The following CNTNAP2 variants were observed in gnomAD, a reference collection of about 807,000 sequenced individuals.
CNTNAP2 encodes contactin associated protein 2.
A neutral mutation model predicts 155.2 loss-of-function variants in CNTNAP2; 98 were observed. That is an observed-to-expected ratio of 0.63 (90% CI 0.54 to 0.75). The LOEUF is 0.75. CNTNAP2 is among the 30% of genes least tolerant of loss of function. The pLI, the probability that CNTNAP2 is intolerant of heterozygous loss-of-function variation, is 0.00. For missense variants in CNTNAP2, 1,727 were observed against 1,688.1 expected, an observed-to-expected ratio of 1.02 and a Z score of -0.40; for synonymous variants, 651 against 631.2, an observed-to-expected ratio of 1.03 and a Z score of -0.47.
chr7:146,561,420 C>A (rs937836253), intron 1 of CNTNAP2, among the ~76,000 whole-genome samples: 5 of 152,102 alleles, frequency 3.3e-5, no homozygotes, highest in Non-Finnish European at 7.3e-5. Context: ...TTTGGAAAGC[C>A]AGTGCAGGTG....
At chr7:146,403,832 TC>T (rs1180987444) in intron 1 of CNTNAP2, among the ~76,000 whole-genome samples, 2 of 152,130 alleles carry the variant, frequency 1.3e-5, no homozygotes, top group Non-Finnish European at 2.9e-5. Flanking sequence ...ATTTCCAGTT[TC>T]GGTGTACTGA....
At chr7:148,373,968 C>T (rs1040949133) in intron 21 of CNTNAP2, among the ~76,000 whole-genome samples, 1 of 152,196 alleles carries the variant, frequency 6.6e-6, no homozygotes, top group African/African-American at 2.4e-5. Context: ...TTCTGAACAT[C>T]ATTTTATATG....
chr7:147,010,113 G>T (rs1261864226), intron 3 of CNTNAP2, among the ~76,000 whole-genome samples: 1 of 149,554 alleles, frequency 6.7e-6, no homozygotes, highest in Non-Finnish European at 1.5e-5. Context: ...GGGTTGAAGT[G>T]ATTCTTCCAC....
chr7:148,244,567 T>G (rs1585212783), intron 20 of CNTNAP2, among the ~76,000 whole-genome samples: 1 of 46,368 alleles, frequency 2.2e-5, no homozygotes, highest in Non-Finnish European at 4.3e-5. Context: ...GTGTTTTGGG[T>G]TTTTTTTTTT....
intron 1 of CNTNAP2, among the ~76,000 whole-genome samples, chr7:146,575,202 T>G (rs1038832854): frequency 3.3e-5 from 5 of 152,230 alleles, no homozygotes; most frequent in East Asian, 1.9e-4. Context: ...CTGCAACCTC[T>G]GCCTCCTGGG....
chr7:147,929,655 A>G (rs1425310438), intron 14 of CNTNAP2, among the ~76,000 whole-genome samples: 1 of 152,156 alleles, frequency 6.6e-6, no homozygotes, highest in Non-Finnish European at 1.5e-5. Flanking sequence ...AAATATCCAA[A>G]ATGCCTGTAT....
intron 15 of CNTNAP2, among the ~76,000 whole-genome samples, chr7:148,081,725 G>A (rs373654066): frequency 6.6e-6 from 1 of 152,096 alleles, no homozygotes; most frequent in Non-Finnish European, 1.5e-5. Flanking sequence ...CTAAGCCTCA[G>A]AGGAGGATGA....
chr7:146,885,120 T>A (rs929214326), intron 3 of CNTNAP2, among the ~76,000 whole-genome samples: 99 of 152,264 alleles, frequency 6.5e-4, no homozygotes, highest in African/African-American at 2.2e-3. Context: ...AGCCAACTAG[T>A]TGTGTGGTTT....
intron 1 of CNTNAP2, among the ~76,000 whole-genome samples, chr7:146,718,095 C>A (rs967944453): frequency 2.0e-4 from 31 of 152,162 alleles, no homozygotes; most frequent in African/African-American, 2.4e-5. Context: ...GATACAGAAG[C>A]CTCCAACTTC....
intron 1 of CNTNAP2, among the ~76,000 whole-genome samples, chr7:146,428,800 C>T (rs758083416): frequency 8.6e-5 from 13 of 151,920 alleles, no homozygotes; most frequent in African/African-American, 1.4e-4. Flanking sequence ...TTGTTTTTGG[C>T]GTTTTCATCA....
At chr7:146,808,171 C>A (rs1261851606) in intron 2 of CNTNAP2, among the ~76,000 whole-genome samples, 3 of 152,160 alleles carry the variant, frequency 2.0e-5, no homozygotes, top group Non-Finnish European at 2.9e-5. Context: ...TTCATTGAAG[C>A]ATACAACTGT....
intron 15 of CNTNAP2, among the ~76,000 whole-genome samples, chr7:148,054,586 A>G (rs1311982206): frequency 4.0e-5 from 6 of 151,436 alleles, no homozygotes; most frequent in Non-Finnish European, 7.4e-5. Flanking sequence ...AACACTCAGA[A>G]CTCTATGCTC....
intron 23 of CNTNAP2, among the ~76,000 whole-genome samples, chr7:148,411,942 T>C (rs1244490808): frequency 9.5e-6 from 1 of 104,862 alleles, no homozygotes; most frequent in Non-Finnish European, 2.1e-5. Context: ...GCTTGCTTTA[T>C]TGTTGTATCT....
chr7:146,333,240 C>T (rs1041130273), intron 1 of CNTNAP2, among the ~76,000 whole-genome samples: 3 of 152,084 alleles, frequency 2.0e-5, no homozygotes, highest in African/African-American at 7.2e-5. Flanking sequence ...CCACGATGCC[C>T]GGCCCCCATT....
intron 10 of CNTNAP2, among the ~76,000 whole-genome samples, chr7:147,484,003 G>A (rs1798469821): frequency 1.5e-5 from 1 of 65,216 alleles, no homozygotes; most frequent in South Asian, 8.1e-4. Context: ...CGGGTGAAAT[G>A]TTCTGAACTT....
chr7:146,384,632 G>A (rs1795435040), intron 1 of CNTNAP2, among the ~76,000 whole-genome samples: 1 of 152,012 alleles, frequency 6.6e-6, no homozygotes, highest in Non-Finnish European at 1.5e-5. Context: ...ATCTTATGTA[G>A]AGAAAGAGTA....
intron 3 of CNTNAP2, among the ~76,000 whole-genome samples, chr7:147,040,341 A>G (rs1040231271): frequency 6.6e-6 from 1 of 152,106 alleles, no homozygotes; most frequent in African/African-American, 2.4e-5. Context: ...AAATGTATGA[A>G]TGAAGCATTT....
At chr7:146,626,687 TA>T (rs1188855517) in intron 1 of CNTNAP2, among the ~76,000 whole-genome samples, 2 of 152,228 alleles carry the variant, frequency 1.3e-5, no homozygotes, top group East Asian at 3.9e-4. Context: ...ATCAAAGTCA[TA>T]AAAAGTAAAA....
intron 1 of CNTNAP2, among the ~76,000 whole-genome samples, chr7:146,222,069 A>G (rs1799215999): frequency 6.6e-6 from 1 of 152,202 alleles, no homozygotes; most frequent in Admixed American, 6.5e-5. Flanking sequence ...TAGAACTTAG[A>G]TTCAAGACTC....
Sources: allele counts gnomAD v4.1 joint callset (sites outside exome capture counted in the v4.1 genomes callset), GRCh38; gene constraint gnomAD v4.1.1; transcripts MANE v1.5; gene names NCBI Gene and HGNC (gene_info 2026-07-23, HGNC 2026-07-21).